The following FGF14 variants were observed in gnomAD, a reference collection of about 807,000 sequenced individuals.
FGF14 encodes fibroblast growth factor 14, also known as fibroblast growth factor homologous factor 4.
A neutral mutation model predicts 25.5 loss-of-function variants in FGF14; 5 were observed. The observed-to-expected ratio is 0.20, with a 90% confidence interval of 0.10 to 0.41. FGF14 has a LOEUF of 0.41. Ranked by LOEUF, FGF14 falls within the 10% of genes least tolerant of loss-of-function variation. FGF14 has a pLI of 1.00. For synonymous variants in FGF14, 138 were observed against 118.3 expected (o/e 1.17, Z -1.08); for missense variants, 222 against 320.1 (o/e 0.69, Z 2.34).
intron 1 of FGF14, among the ~76,000 whole-genome samples, chr13:101,984,814 G>C (rs1212939765): frequency 6.6e-6 from 1 of 152,010 alleles, no homozygotes; most frequent in African/African-American, 2.4e-5. Flanking sequence ...ATATTTGTGG[G>C]GACACAGGCT....
intron 1 of FGF14, among the ~76,000 whole-genome samples, chr13:102,061,216 T>C (rs1008225333): frequency 2.0e-5 from 3 of 152,210 alleles, no homozygotes; most frequent in Non-Finnish European, 4.4e-5. Context: ...AAGCCCTCTG[T>C]CCTTGCTTTA....
chr13:101,724,597 AATATATATATATAT>A lies in FGF14; in HGVS notation c.608-1644_608-1631del, dbSNP rs201033233. On this transcript the variant is annotated intron_variant, in intron 4 of 4. Transcript: ENST00000376143. Reference sequence around the variant, plus strand: ...CCTAGAACTTAAAGTATAATAATAAAATATATATATATATATATATATATATATATATATAAAAC... The same window carrying A: ...CCTAGAACTTAAAGTATAATAATAAAATATATATATATATATATATAAAAC... Among the ~76,000 whole-genome samples the A allele has an allele frequency of 3.2e-3, 388 of 121,278 alleles. 5 individuals are homozygous for A. Among genetic ancestry groups the A allele is most frequent in the African/African-American group, 9.8e-3 (322 of 32,700 alleles). The allele number at this position is 121,278 out of a possible 152,430, so 79.6% of individuals were successfully genotyped here.
At chr13:101,855,884 T>C (rs1272464187) in intron 3 of FGF14, among the ~76,000 whole-genome samples, 1 of 146,862 alleles carries the variant, frequency 6.8e-6, no homozygotes, top group Non-Finnish European at 1.5e-5. Flanking sequence ...TACCTTTGTC[T>C]GCATTCAAAT....
chr13:101,786,697 G>T (rs1171691116), intron 3 of FGF14, among the ~76,000 whole-genome samples: 1 of 152,090 alleles, frequency 6.6e-6, no homozygotes. Context: ...TATCTTCAAA[G>T]GCAATCATAT....
At chr13:101,734,452 C>T (rs2036035103) in intron 3 of FGF14, among the ~76,000 whole-genome samples, 1 of 152,146 alleles carries the variant, frequency 6.6e-6, no homozygotes, top group African/African-American at 2.4e-5. Flanking sequence ...AAATCTTTCT[C>T]TCTGGAATAT....
At chr13:102,245,936 G>A (rs550214767) in intron 1 of FGF14, among the ~76,000 whole-genome samples, 3 of 151,992 alleles carry the variant, frequency 2.0e-5, no homozygotes, top group Admixed American at 6.6e-5. Context: ...GGTAAAAACC[G>A]GATGCCTTCA....
At chr13:102,124,641 G>T (rs560685161) in intron 1 of FGF14, among the ~76,000 whole-genome samples, 2 of 152,164 alleles carry the variant, frequency 1.3e-5, no homozygotes, top group African/African-American at 4.8e-5. Context: ...CCTCTGATGG[G>T]CCAGATGGAT....
At chr13:102,087,105 T>G (rs2140226798) in intron 1 of FGF14, among the ~76,000 whole-genome samples, 1 of 152,340 alleles carries the variant, frequency 6.6e-6, no homozygotes, top group Non-Finnish European at 1.5e-5. Context: ...AATCCTGCCA[T>G]AATGTAGTTC....
At chr13:101,862,914 A>C (rs935065053) in intron 3 of FGF14, among the ~76,000 whole-genome samples, 1 of 152,144 alleles carries the variant, frequency 6.6e-6, no homozygotes, top group African/African-American at 2.4e-5. Context: ...AGTATGTGCA[A>C]ATGTAAAACT....
At chr13:102,108,061 T>C (rs1397352530) in intron 1 of FGF14, among the ~76,000 whole-genome samples, 1 of 152,216 alleles carries the variant, frequency 6.6e-6, no homozygotes, top group African/African-American at 2.4e-5. Context: ...TGGCATTAAA[T>C]TGAATTATAT....
chr13:102,170,801 A>G (rs1239628177), intron 1 of FGF14, among the ~76,000 whole-genome samples: 2 of 152,150 alleles, frequency 1.3e-5, no homozygotes, highest in Non-Finnish European at 2.9e-5. Context: ...TTTTTCTTCT[A>G]TGTTCTTAAT....
chr13:102,346,269 T>C (rs1484574493), intron 1 of FGF14, among the ~76,000 whole-genome samples: 4 of 152,218 alleles, frequency 2.6e-5, no homozygotes, highest in Admixed American at 2.6e-4. Flanking sequence ...TGAAATACTA[T>C]ATAGCTAAAT....
intron 1 of FGF14, among the ~76,000 whole-genome samples, chr13:102,399,462 C>A (rs1042273778): frequency 3.9e-5 from 6 of 152,294 alleles, no homozygotes; most frequent in Admixed American, 1.3e-4. Context: ...TCACCCCTGC[C>A]CTTCCCACTG....
At chr13:102,210,557 A>G (rs1416908849) in intron 1 of FGF14, among the ~76,000 whole-genome samples, 2 of 152,164 alleles carry the variant, frequency 1.3e-5, no homozygotes, top group Non-Finnish European at 2.9e-5. Context: ...GGGGGTGGGT[A>G]GTGCAAAAGC....
intron 1 of FGF14, among the ~76,000 whole-genome samples, chr13:102,355,996 G>A (rs917512530): frequency 7.2e-5 from 11 of 152,028 alleles, no homozygotes; most frequent in Admixed American, 3.3e-4. Flanking sequence ...CAATGTCCCC[G>A]TCTCTCCCAG....
chr13:102,231,289 C>A (rs1383289301), intron 1 of FGF14, among the ~76,000 whole-genome samples: 1 of 152,168 alleles, frequency 6.6e-6, no homozygotes, highest in East Asian at 1.9e-4. Flanking sequence ...AAAATAAGTA[C>A]TCTGCTTTGC....
At chr13:102,303,635 A>T (rs1310612215) in intron 1 of FGF14, among the ~76,000 whole-genome samples, 1 of 152,198 alleles carries the variant, frequency 6.6e-6, no homozygotes, top group African/African-American at 2.4e-5. Context: ...AACAGAAATC[A>T]AATAACTCAC....
chr13:102,271,307 A>C (rs2053234349), intron 1 of FGF14, among the ~76,000 whole-genome samples: 1 of 152,114 alleles, frequency 6.6e-6, no homozygotes, highest in Non-Finnish European at 1.5e-5. Context: ...TGCAAAATAA[A>C]ACTCCATCAT....
chr13:101,882,320 G>A (rs903204645), intron 1 of FGF14, among the ~76,000 whole-genome samples: 3 of 151,744 alleles, frequency 2.0e-5, no homozygotes, highest in African/African-American at 7.3e-5. Flanking sequence ...TACAGAATTA[G>A]CATGACAAAA....
Sources: gnomAD v4.1 joint callset for allele counts (sites outside exome capture counted in the v4.1 genomes callset) on GRCh38, gnomAD v4.1.1 for gene constraint, MANE v1.5 for transcripts, NCBI Gene and HGNC (gene_info 2026-07-23, HGNC 2026-07-21) for gene names.